GRM7: variants seen among roughly 807,000 people sequenced by gnomAD.
The protein encoded by GRM7 is metabotropic glutamate receptor 7.
A neutral mutation model predicts 84.5 loss-of-function variants in GRM7; 35 were observed. That is an observed-to-expected ratio of 0.41 (90% confidence interval 0.32 to 0.55). The LOEUF is 0.55. Among genes scored for constraint, GRM7 ranks in the 20% least tolerant of loss-of-function variants. The pLI is 0.19. For missense variants in GRM7, 1,003 were observed against 1,194.6 expected (o/e 0.84, Z 2.36); for synonymous variants, 487 against 455.1 (o/e 1.07, Z -0.89).
chr3:7,153,663 G>A (rs570916286), intron 2 of GRM7, among the ~76,000 whole-genome samples: 207 of 152,120 alleles, frequency 1.4e-3, no homozygotes, highest in African/African-American at 4.6e-3. Context: ...TAACTTTATA[G>A]GAGGGAAAAA....
At chr3:6,864,937 T>G (rs924372135) in intron 1 of GRM7, among the ~76,000 whole-genome samples, 11 of 152,342 alleles carry the variant, frequency 7.2e-5, no homozygotes, top group African/African-American at 2.4e-4. Flanking sequence ...ATTGAAGACA[T>G]AAGCTTAGCA....
chr3:7,452,346 G>C (rs918614718), intron 5 of GRM7, among the ~76,000 whole-genome samples: 2 of 152,086 alleles, frequency 1.3e-5, no homozygotes, highest in Non-Finnish European at 2.9e-5. Context: ...TATTCTAAGG[G>C]ACCACTATAT....
intron 2 of GRM7, among the ~76,000 whole-genome samples, chr3:7,198,951 A>T (rs1444813155): frequency 6.6e-6 from 1 of 152,232 alleles, no homozygotes. Context: ...TGTATCTTTA[A>T]AAGTTTTTTA....
chr3:7,641,899 G>A (rs1485306075), intron 8 of GRM7, among the ~76,000 whole-genome samples: 1 of 151,516 alleles, frequency 6.6e-6, no homozygotes, highest in Non-Finnish European at 1.5e-5. Flanking sequence ...TTTTCTATGA[G>A]CTCACACTCT....
chr3:6,977,015 A>T (rs148375450), intron 1 of GRM7, among the ~76,000 whole-genome samples: 208 of 152,260 alleles, frequency 1.4e-3, no homozygotes, highest in East Asian at 7.9e-3. Flanking sequence ...ATCAGAATTG[A>T]TGGTTACTGA....
At chr3:7,008,504 A>G (rs989773538) in intron 1 of GRM7, among the ~76,000 whole-genome samples, 1 of 152,218 alleles carries the variant, frequency 6.6e-6, no homozygotes, top group Non-Finnish European at 1.5e-5. Context: ...ACCAGGAGAA[A>G]GTTGCTGAGT....
chr3:7,355,344 G>A (rs1350597181), intron 4 of GRM7, among the ~76,000 whole-genome samples: 1 of 151,932 alleles, frequency 6.6e-6, no homozygotes, highest in East Asian at 1.9e-4. Flanking sequence ...TTGTAGTGGG[G>A]CCCAGAACAG....
intron 5 of GRM7, among the ~76,000 whole-genome samples, chr3:7,449,107 C>T (rs746492480): frequency 2.6e-5 from 4 of 151,820 alleles, no homozygotes; most frequent in Non-Finnish European, 4.4e-5. Context: ...TAACATTGCT[C>T]AATGTTTGAA....
chr3:7,678,690 C>T (rs996327376), intron 8 of GRM7, among the ~76,000 whole-genome samples: 36 of 152,210 alleles, frequency 2.4e-4, no homozygotes, highest in South Asian at 2.1e-4. Context: ...TCCTTTTAAC[C>T]GTTTGGAGAC....
At chr3:7,313,138 AG>A (rs767501718) in intron 4 of GRM7, among the ~76,000 whole-genome samples, 12 of 152,014 alleles carry the variant, frequency 7.9e-5, no homozygotes, top group Non-Finnish European at 1.8e-4. Context: ...CATGTTGGTC[AG>A]GCTGGTCTCA....
intron 1 of GRM7, among the ~76,000 whole-genome samples, chr3:7,092,037 C>CT (rs1698683537): frequency 6.6e-6 from 1 of 151,986 alleles, no homozygotes; most frequent in Admixed American, 6.6e-5. Flanking sequence ...GAGATGGAAT[C>CT]TCACTCTGTC....
chr3:6,916,565 G>T (rs1696946994), intron 1 of GRM7, among the ~76,000 whole-genome samples: 1 of 152,128 alleles, frequency 6.6e-6, no homozygotes, highest in Admixed American at 6.5e-5. Context: ...TCAGTGTCTG[G>T]TGAGGGCTCT....
intron 6 of GRM7, among the ~76,000 whole-genome samples, chr3:7,454,115 C>CTCTT (rs1339703314): frequency 6.6e-6 from 1 of 151,956 alleles, no homozygotes; most frequent in Non-Finnish European, 1.5e-5. Context: ...CTCTCTCTCT[C>CTCTT]TCTCTCTCTC....
intron 2 of GRM7, among the ~76,000 whole-genome samples, chr3:7,167,797 G>C (rs150607244): frequency 6.6e-6 from 1 of 151,526 alleles, no homozygotes; most frequent in South Asian, 2.1e-4. Flanking sequence ...GTGAAACCCC[G>C]TCTCAACTAA....
At chr3:7,640,134 A>G (rs1698298517) in intron 8 of GRM7, among the ~76,000 whole-genome samples, 1 of 152,148 alleles carries the variant, frequency 6.6e-6, no homozygotes. Flanking sequence ...CCTATCCGCC[A>G]CAATGCCCTA....
chr3:7,219,985 C>G (rs1158272532), intron 2 of GRM7, among the ~76,000 whole-genome samples: 1 of 151,928 alleles, frequency 6.6e-6, no homozygotes, highest in East Asian at 1.9e-4. Flanking sequence ...CAGAACTGAT[C>G]TAAACAAAAA....
intron 2 of GRM7, among the ~76,000 whole-genome samples, chr3:7,225,812 C>A (rs1258489105): frequency 6.6e-6 from 1 of 151,960 alleles, no homozygotes; most frequent in African/African-American, 2.4e-5. Context: ...GATTCTGAAT[C>A]TTTGAAATTC....
chr3:7,496,748 G>T (rs900138696), intron 7 of GRM7, among the ~76,000 whole-genome samples: 26 of 151,830 alleles, frequency 1.7e-4, no homozygotes, highest in African/African-American at 5.3e-4. Flanking sequence ...AGAAGCAACT[G>T]CATCGAATTA....
At chr3:7,343,234 CT>C (rs1553563853) in intron 4 of GRM7, among the ~76,000 whole-genome samples, 5 of 151,006 alleles carry the variant, frequency 3.3e-5, no homozygotes, top group Non-Finnish European at 7.4e-5. Flanking sequence ...TGTTTTTTTT[CT>C]TCTTCTTCTT....
Sources: allele counts gnomAD v4.1 joint callset (sites outside exome capture counted in the v4.1 genomes callset), GRCh38; gene constraint gnomAD v4.1.1; transcripts MANE v1.5; gene names NCBI Gene and HGNC (gene_info 2026-07-23, HGNC 2026-07-21).